MCF2: variants seen among roughly 807,000 people sequenced by gnomAD.
MCF2 encodes proto-oncogene DBL.
Under a neutral mutation model 82.5 loss-of-function variants are expected in MCF2, and 44 were observed. The observed-to-expected ratio is 0.53, with a 90% CI of 0.42 to 0.69. The LOEUF is 0.69. Among genes scored for constraint, MCF2 ranks in the 30% least tolerant of loss-of-function variants. The pLI, the probability that MCF2 is intolerant of heterozygous loss-of-function variation, is 0.00. For synonymous variants in MCF2, 217 were observed against 224.9 expected (o/e 0.96, Z 0.32); for missense variants, 623 against 663.1 (o/e 0.94, Z 0.66).
In MCF2 at chrX:139,667,691, T is replaced by A. The variant is rs72616292; in HGVS notation, c.-44-15903A>T. On this transcript the variant is annotated intron_variant, in intron 1 of 27. Transcript: ENST00000414978. ...CTGCTTGTGGTAGGTAGGATCTGGG[T>A]GATCTTCAGGTTTTGGGCAGTGTTT... Among the ~76,000 whole-genome samples, 75 of 111,447 alleles carry A rather than the reference T, an allele frequency of 6.7e-4. No individual in the cohort carries two copies. In the East Asian group the frequency reaches 0.021, roughly 30 times the overall value.
chrX:139,620,834 A>G lies in MCF2; in HGVS notation c.688-1128T>C, dbSNP rs750173613. ...CAATGTTATTCCTATCAAACTACCA[A>G]CAGCCTTTTTCACAGAATTAGAAAA... On this transcript the variant is annotated intron_variant, in intron 6 of 24. Transcript: ENST00000370576. 1.3e-4 allele frequency among the ~76,000 whole-genome samples: 15 copies of G among 111,973 alleles called. No individual in the cohort carries two copies. In the South Asian group the frequency reaches 1.8e-3, roughly 14 times the overall value.
At chrX:139,659,295 A>T (rs765176264) in intron 1 of MCF2, among the ~76,000 whole-genome samples, 1 of 110,948 alleles carries the variant, frequency 9.0e-6, no homozygotes, top group African/African-American at 3.3e-5. Flanking sequence ...AAAAAAAAAA[A>T]TAAAAAATTT....
At chrX:139,688,085 C>T (rs747116082) in intron 1 of MCF2, among the ~76,000 whole-genome samples, 1 of 111,685 alleles carries the variant, frequency 9.0e-6, no homozygotes, top group East Asian at 2.8e-4. Context: ...AAAATATCAG[C>T]TAACAGAGAG....
intron 1 of MCF2, among the ~76,000 whole-genome samples, chrX:139,685,564 C>A (rs111717557): frequency 0.084 from 9,344 of 110,788 alleles, 387 homozygotes; most frequent in South Asian, 0.2. Context: ...GTTGTCAGCC[C>A]TTAAAAGGGA....
chrX:139,630,293 T>C (rs1932879699), intron 3 of MCF2, among the ~76,000 whole-genome samples: 2 of 111,719 alleles, frequency 1.8e-5, no homozygotes, highest in South Asian at 7.4e-4. Flanking sequence ...GAATAAGCAT[T>C]AGCATTCCAA....
chrX:139,639,582 C>T (rs562104506), intron 1 of MCF2, among the ~76,000 whole-genome samples: 29 of 111,520 alleles, frequency 2.6e-4, no homozygotes, highest in East Asian at 1.1e-3. Context: ...TTTACTCACA[C>T]GTACTTCCAG....
chrX:139,629,684 A>G lies in MCF2; in HGVS notation c.438+11T>C, dbSNP rs1932857996. 8.3e-7 allele frequency: 1 copy of G among 1,205,278 alleles called. No homozygotes were observed. The highest frequency in any genetic ancestry group is 1.1e-6 in the Non-Finnish European group (1 of 891,379). On this transcript the variant is annotated intron_variant, in intron 4 of 24. Transcript: ENST00000370576. ...TGGAAATCTTTTGTTTGTCAACTCT[A>G]TCAGACATACCTTCAACAGATGATA...
chrX:139,584,064 CTT>C (rs1262247798), intron 24 of MCF2, among the ~76,000 whole-genome samples: 1 of 106,595 alleles, frequency 9.4e-6, no homozygotes, highest in Non-Finnish European at 1.9e-5. Flanking sequence ...ACAATATCTA[CTT>C]TTTTAAAGAC....
At chrX:139,658,673 T>TG (rs1228247112) in intron 1 of MCF2, among the ~76,000 whole-genome samples, 15 of 93,728 alleles carry the variant, frequency 1.6e-4, no homozygotes, top group African/African-American at 6.1e-4. Flanking sequence ...ATGTGTTTTT[T>TG]TTTTTTTTTT....
chrX:139,633,724 G>A (rs1483176853), intron 1 of MCF2, among the ~76,000 whole-genome samples: 1 of 111,170 alleles, frequency 9.0e-6, no homozygotes, highest in African/African-American at 3.3e-5. Flanking sequence ...GGTCAAATTT[G>A]CATTTTAGAA....
chrX:139,635,743 G>T (rs2148501438), intron 1 of MCF2, among the ~76,000 whole-genome samples: 1 of 111,531 alleles, frequency 9.0e-6, no homozygotes, highest in South Asian at 3.7e-4. Flanking sequence ...TTTTATTTTA[G>T]GTTTGGGGGT....
At chrX:139,703,971 A>C (rs1007417980) in intron 1 of MCF2, among the ~76,000 whole-genome samples, 1 of 112,081 alleles carries the variant, frequency 8.9e-6, no homozygotes, top group African/African-American at 3.2e-5. Flanking sequence ...GAACTTAAAT[A>C]TTTATAGCTG....
chrX:139,653,031 T>C (rs1203749282), intron 1 of MCF2, among the ~76,000 whole-genome samples: 1 of 112,366 alleles, frequency 8.9e-6, no homozygotes, highest in Non-Finnish European at 1.9e-5. Flanking sequence ...AATTTGTCAA[T>C]ACATAAAGTC....
intron 22 of MCF2, among the ~76,000 whole-genome samples, chrX:139,587,164 T>C (rs1045062656): frequency 3.6e-5 from 4 of 111,402 alleles, no homozygotes; most frequent in African/African-American, 6.5e-5. Flanking sequence ...TTTCTGTATA[T>C]ATGCAAATGT....
chrX:139,659,141 A>G (rs1392408065), intron 1 of MCF2, among the ~76,000 whole-genome samples: 1 of 110,682 alleles, frequency 9.0e-6, no homozygotes, highest in Non-Finnish European at 1.9e-5. Context: ...TACAAAAATT[A>G]GCTGGGCGTG....
chrX:139,670,389 T>C (rs61025396), intron 1 of MCF2, among the ~76,000 whole-genome samples: 1,823 of 111,337 alleles, frequency 0.016, 38 homozygotes, highest in African/African-American at 0.056. Flanking sequence ...GGTATACATG[T>C]GCCATGTTGG....
At chrX:139,706,992 A>G (rs967333937) in intron 1 of MCF2, among the ~76,000 whole-genome samples, 2 of 110,741 alleles carry the variant, frequency 1.8e-5, no homozygotes, top group Non-Finnish European at 3.8e-5. Context: ...ATGAAGAGCA[A>G]GACAATGAAT....
At chrX:139,627,400 C>G (rs1165468994) in intron 4 of MCF2, among the ~76,000 whole-genome samples, 1 of 112,171 alleles carries the variant, frequency 8.9e-6, no homozygotes, top group Non-Finnish European at 1.9e-5. Flanking sequence ...TGCCTTAAGT[C>G]TTATTTTACT....
chrX:139,701,025 C>T (rs985637089), intron 1 of MCF2, among the ~76,000 whole-genome samples: 6 of 111,591 alleles, frequency 5.4e-5, no homozygotes, highest in Admixed American at 9.5e-5. Context: ...CACTCATTAT[C>T]GAAGGACAGC....
Sources: gnomAD v4.1 joint callset for allele counts (sites outside exome capture counted in the v4.1 genomes callset) on GRCh38, gnomAD v4.1.1 for gene constraint, MANE v1.5 for transcripts, NCBI Gene and HGNC (gene_info 2026-07-23, HGNC 2026-07-21) for gene names.